Variants in THSD7A observed in about 807,000 individuals in gnomAD.
THSD7A encodes the protein thrombospondin type 1 domain containing 7A, also known as thrombospondin type-1 domain-containing protein 7A.
THSD7A carries 96 observed loss-of-function variants against 231.3 expected under a neutral mutation model. The observed-to-expected ratio is 0.41, with a 90% CI of 0.35 to 0.49. The LOEUF (loss-of-function observed/expected upper bound fraction) is 0.49. Ranked by LOEUF, THSD7A falls within the 20% of genes least tolerant of loss-of-function variation. The probability of loss-of-function intolerance (pLI) is 0.05; values close to 1 mark genes in which losing one functional copy is unlikely to be tolerated. For synonymous variants in THSD7A, 940 were observed against 743.3 expected (o/e 1.26, Z -4.30); for missense variants, 2,290 against 2,070.2 (o/e 1.11, Z -2.06).
Position 11,636,793 on chromosome 7 carries a change from T to A in THSD7A, c.359A>T (p.Glu120Val). 8.7e-6 allele frequency: 14 copies of A among 1,613,964 alleles called. No individual in the cohort carries two copies. Among genetic ancestry groups the A allele is most frequent in the Non-Finnish European group, 1.2e-5 (14 of 1,179,888 alleles). The change falls in exon 2 of 28, where the codon GAG becomes GTG. Residue 120 changes from glutamate to valine, a missense_variant. Transcript: ENST00000423059. This position sits in a 1 kb window ranked among gnomAD's most constrained non-coding sequence, Gnocchi z 10.0. Reference protein sequence around the residue: ...NCFKVCDWHKELYDWRLGPWN... With the variant: ...NCFKVCDWHKVLYDWRLGPWN... ...AGGTCCCAGTCTCCAGTCGTACAACTCTTTGTGCCAATCGCAAACTTTGAA... is the reference window on the plus strand; with the variant it reads ...AGGTCCCAGTCTCCAGTCGTACAACACTTTGTGCCAATCGCAAACTTTGAA...
chr7:11,402,375 T>A (rs548455358), intron 22 of THSD7A, among the ~76,000 whole-genome samples: 1 of 152,340 alleles, frequency 6.6e-6, no homozygotes, highest in East Asian at 1.9e-4. Context: ...GTCTTCTAGG[T>A]ATTCACAATT....
Position 11,530,837 on chromosome 7 carries a change from C to G in THSD7A, c.1822+10582G>C, listed in dbSNP as rs760571639. Among the ~76,000 whole-genome samples the G allele has an allele frequency of 3.3e-5, 5 of 152,214 alleles. 1 individual carries two copies. In the South Asian group the frequency reaches 1.0e-3, roughly 32 times the overall value. On this transcript the variant is annotated intron_variant, in intron 6 of 27. Transcript: ENST00000423059. ...ACCAGCCTGGTCAATACAGTGAAGC[C>G]TGGTCTCTACTAAAAATACAAAAAT...
intron 6 of THSD7A, among the ~76,000 whole-genome samples, chr7:11,530,663 G>A (rs533092582): frequency 6.6e-6 from 1 of 152,234 alleles, no homozygotes; most frequent in Non-Finnish European, 1.5e-5. Flanking sequence ...AGATGGTGGA[G>A]GACATTCTGC....
At chr7:11,452,629 G>A (rs1254279819) in intron 11 of THSD7A, among the ~76,000 whole-genome samples, 2 of 151,942 alleles carry the variant, frequency 1.3e-5, no homozygotes, top group African/African-American at 4.8e-5. Flanking sequence ...TCCCCAGTTG[G>A]GATCTGGGAA....
chr7:11,817,796 AT>A (rs1784751175), intron 1 of THSD7A, among the ~76,000 whole-genome samples: 1 of 152,200 alleles, frequency 6.6e-6, no homozygotes, highest in Non-Finnish European at 1.5e-5. Context: ...GAGATTAGAA[AT>A]CATATTCCTA....
At chr7:11,594,249 T>C (rs1373789360) in intron 2 of THSD7A, among the ~76,000 whole-genome samples, 1 of 152,174 alleles carries the variant, frequency 6.6e-6, no homozygotes, top group East Asian at 1.9e-4. Context: ...TTGTGGGACC[T>C]TGTGATCATG....
intron 23 of THSD7A, among the ~76,000 whole-genome samples, chr7:11,398,698 A>G (rs1256770278): frequency 1.3e-5 from 2 of 152,160 alleles, no homozygotes; most frequent in Non-Finnish European, 2.9e-5. Context: ...CGATGGATGA[A>G]TAAAACGTAC....
chr7:11,423,181 A>AAAT (rs1242111734), intron 16 of THSD7A, among the ~76,000 whole-genome samples: 2 of 152,176 alleles, frequency 1.3e-5, no homozygotes, highest in East Asian at 1.9e-4. Flanking sequence ...TTGAAAAAAG[A>AAAT]AATATAAAAC....
intron 4 of THSD7A, among the ~76,000 whole-genome samples, chr7:11,546,152 C>G (rs983256724): frequency 7.2e-6 from 1 of 138,946 alleles, no homozygotes; most frequent in African/African-American, 2.6e-5. Context: ...AACCATTGTG[C>G]CAGGGCCCAC....
chr7:11,600,952 C>G (rs1358510845), intron 2 of THSD7A, among the ~76,000 whole-genome samples: 1 of 152,170 alleles, frequency 6.6e-6, no homozygotes, highest in Non-Finnish European at 1.5e-5. Context: ...TCTGTTTTCC[C>G]TACAACAGAG....
intron 4 of THSD7A, among the ~76,000 whole-genome samples, chr7:11,586,702 T>C (rs1315330655): frequency 6.6e-6 from 1 of 152,212 alleles, no homozygotes; most frequent in East Asian, 1.9e-4. Flanking sequence ...TAATTTACTT[T>C]CCATTTAGCA....
intron 2 of THSD7A, among the ~76,000 whole-genome samples, chr7:11,619,584 A>T (rs544499615): frequency 6.6e-6 from 1 of 151,548 alleles, no homozygotes; most frequent in African/African-American, 2.4e-5. Flanking sequence ...AATTTTTTAA[A>T]TTTTATTATT....
chr7:11,570,803 G>A (rs193150245), intron 4 of THSD7A, among the ~76,000 whole-genome samples: 89 of 152,282 alleles, frequency 5.8e-4, no homozygotes, highest in Non-Finnish European at 1.2e-3. Context: ...GGGTAGGGGT[G>A]GAGAGGGATT....
intron 7 of THSD7A, among the ~76,000 whole-genome samples, chr7:11,479,781 A>G (rs1473817600): frequency 1.3e-5 from 2 of 152,216 alleles, no homozygotes; most frequent in East Asian, 3.8e-4. Flanking sequence ...TAAATTTCAC[A>G]TAATTATACC....
At chr7:11,626,641 G>A (rs1781480735) in intron 2 of THSD7A, among the ~76,000 whole-genome samples, 1 of 152,082 alleles carries the variant, frequency 6.6e-6, no homozygotes, top group Non-Finnish European at 1.5e-5. Flanking sequence ...ATAGTGATGA[G>A]CTTTGTGGCT....
intron 1 of THSD7A, among the ~76,000 whole-genome samples, chr7:11,764,282 G>C (rs777808501): frequency 2.8e-4 from 42 of 152,184 alleles, no homozygotes; most frequent in Admixed American, 1.4e-3. Context: ...TATAAAAATA[G>C]ATAAATTTAA....
chr7:11,741,087 G>C (rs1175029342), intron 1 of THSD7A, among the ~76,000 whole-genome samples: 3 of 151,814 alleles, frequency 2.0e-5, no homozygotes, highest in Non-Finnish European at 4.4e-5. Context: ...ATAATTAATT[G>C]TCCAAACTGG....
intron 2 of THSD7A, among the ~76,000 whole-genome samples, chr7:11,599,046 T>A (rs992121877): frequency 5.9e-5 from 9 of 152,162 alleles, no homozygotes; most frequent in African/African-American, 2.2e-4. Context: ...TAAGGAAAAG[T>A]ATGCATGGAA....
intron 2 of THSD7A, among the ~76,000 whole-genome samples, chr7:11,622,758 T>C (rs1781357413): frequency 6.6e-6 from 1 of 152,178 alleles, no homozygotes; most frequent in Admixed American, 6.6e-5. Flanking sequence ...ATTTCTAAAA[T>C]AACATAGTGA....
Sources: allele counts gnomAD v4.1 joint callset (sites outside exome capture counted in the v4.1 genomes callset), GRCh38; gene constraint gnomAD v4.1.1; non-coding constraint Gnocchi (gnomAD v3.1); transcripts MANE v1.5; gene names NCBI Gene and HGNC (gene_info 2026-07-23, HGNC 2026-07-21).